The following CEP63 variants were observed in gnomAD, a reference collection of about 807,000 sequenced individuals.
The protein encoded by CEP63 is centrosomal protein 63, also known as centrosomal protein of 63 kDa.
In CEP63, 84 loss-of-function variants were observed where a neutral mutation model predicts 89.1. That is an observed-to-expected ratio of 0.94 (90% CI 0.79 to 1.13). CEP63 has a LOEUF of 1.13. Among genes scored for constraint, CEP63 ranks in the 50% most tolerant of loss-of-function variants. CEP63 has a pLI of 0.00. For synonymous variants in CEP63, 267 were observed against 272.5 expected, an observed-to-expected ratio of 0.98 and a Z score of 0.20; for missense variants, 838 against 813.3, an observed-to-expected ratio of 1.03 and a Z score of -0.37.
At chr3:134,616,412 C>A in the CEP63 span, among the ~76,000 whole-genome samples, 1 of 152,012 alleles carries the variant, frequency 6.6e-6, no homozygotes, top group South Asian at 2.1e-4. Context: ...TCAGCAAGTG[C>A]GGATTATATG....
chr3:134,726,535 G>C, the CEP63 span, among the ~76,000 whole-genome samples: 1 of 151,618 alleles, frequency 6.6e-6, no homozygotes, highest in Non-Finnish European at 1.5e-5. Context: ...ATATAGGAAG[G>C]CTGGGCTACC....
Position 134,561,391 on chromosome 3 carries a change from A to G in CEP63, c.1968A>G (p.Val656=), listed in dbSNP as rs1957322458. ...EEFISSCSLP[V]SPLGSIATRF... The stretch of plus-strand genomic sequence containing the variant: ...GTCTCTTCCAGTGTTCCTTGCCTGT[A>G]TCTCCCCTTGGTTCAATAGCTACCA... Residue 656 remains valine (V), a synonymous_variant, in exon 15 of 15, where the codon GTA becomes GTG. Transcript: ENST00000675561. 6.2e-7 allele frequency: 1 copy of G among 1,613,948 alleles called. No individual in the cohort carries two copies.
At chr3:134,672,014 C>T in the CEP63 span, among the ~76,000 whole-genome samples, 1 of 152,114 alleles carries the variant, frequency 6.6e-6, no homozygotes, top group Admixed American at 6.5e-5. Context: ...AGATGGTTGT[C>T]AAGTAATACC....
the CEP63 span, among the ~76,000 whole-genome samples, chr3:134,738,116 A>G: frequency 6.6e-6 from 1 of 152,204 alleles, no homozygotes; most frequent in Non-Finnish European, 1.5e-5. Context: ...TCACACCATC[A>G]GGATGGCAAA....
Position 134,507,197 on chromosome 3 carries a change from G to A in CEP63, c.133G>A (p.Gly45Arg), listed in dbSNP as rs770866467. 3 of 1,613,554 alleles carry A rather than the reference G, an allele frequency of 1.9e-6. No individual in the cohort carries two copies. Among genetic ancestry groups the A allele is most frequent in the Non-Finnish European group, 2.5e-6 (3 of 1,179,686 alleles). Residue 45 changes from glycine (G) to arginine (R), a missense_variant, in exon 3 of 15, where the codon GGA (glycine) becomes AGA (arginine). Gly to Arg is a moderately radical substitution (Grantham distance 125). Transcript: ENST00000675561. ...GGCTCATAAAAAATCTGAATGGGAA[G>A]GACGTACACATGCTCTAGAAACTTG... ...MVAHKKSEWE[G>R]RTHALETCLK...
the CEP63 span, among the ~76,000 whole-genome samples, chr3:134,722,340 T>C: frequency 2.3e-5 from 1 of 43,974 alleles, no homozygotes; most frequent in African/African-American, 6.1e-5. Context: ...TCCTATACTG[T>C]ATATATACAG....
At position 134,551,968 on chromosome 3, in the gene CEP63, C is replaced by T; in HGVS notation, c.1423C>T (p.His475Tyr). 1 of 1,608,884 alleles carries T rather than the reference C, an allele frequency of 6.2e-7. No individual in the cohort carries two copies. ...GGAGTCACTCAAATTAGAAAATCGT[C>T]ATCTTTCTGAAATGGTGATGAAATT... The part of the protein sequence containing the change: ...QLESLKLENR[H>Y]LSEMVMKLEL... The change falls in exon 12 of 15, where the codon CAT becomes TAT. Residue 475 changes from histidine (H) to tyrosine (Y), a missense_variant. Transcript: ENST00000675561.
At chr3:134,558,105 G>A (rs778879796) in intron 12 of CEP63, 37 bp from the exon 13 acceptor site, 5 of 1,532,570 alleles carry the variant, frequency 3.3e-6, no homozygotes, top group Admixed American at 1.7e-5. Flanking sequence ...AGGTATTCTT[G>A]TACAGATTAA....
intron 3 of CEP63, among the ~76,000 whole-genome samples, chr3:134,516,585 G>A (rs1026403745): frequency 1.3e-5 from 2 of 152,194 alleles, no homozygotes; most frequent in East Asian, 3.9e-4. Flanking sequence ...GCTTTCCTAG[G>A]CAGAGGTCCC....
Position 134,562,110 on chromosome 3 carries a change from A to G in CEP63, c.*575A>G, listed in dbSNP as rs1431022722. 1 of 990,272 alleles carries G rather than the reference A, an allele frequency of 1.0e-6. No individual in the cohort carries two copies. The highest frequency in any genetic ancestry group is 1.2e-6 in the Non-Finnish European group (1 of 833,080). 61.3% of individuals were successfully genotyped at this position (990,272 alleles called of 1,614,324 possible). On this transcript the variant is annotated 3_prime_UTR_variant, in exon 15 of 15. Coordinates refer to ENST00000675561, the MANE Select transcript of CEP63 (RefSeq NM_001353108.3). ...CTTATCAAGCAGTCCTCTCTTGCTC[A>G]ACACTCATGCAGAGGAGAGAGGCAG...
intron 3 of CEP63, among the ~76,000 whole-genome samples, chr3:134,517,007 T>C (rs947576344): frequency 6.6e-6 from 1 of 152,146 alleles, no homozygotes; most frequent in Admixed American, 6.5e-5. Flanking sequence ...CTAGGTGAAT[T>C]CTCCAACTTC....
chr3:134,656,338 G>T, the CEP63 span, among the ~76,000 whole-genome samples: 2 of 152,214 alleles, frequency 1.3e-5, no homozygotes, highest in African/African-American at 2.4e-5. Flanking sequence ...GTCTCAGGAA[G>T]TGAAAGCAGG....
chr3:134,645,695 C>T, the CEP63 span, among the ~76,000 whole-genome samples: 1 of 152,170 alleles, frequency 6.6e-6, no homozygotes, highest in African/African-American at 2.4e-5. Flanking sequence ...CTCTGTGGAG[C>T]CTCTGTCCAG....
intron 2 of CEP63, 37 bp from the exon 3 acceptor site, chr3:134,507,072 A>C (rs371227658): frequency 1.3e-6 from 2 of 1,559,834 alleles, no homozygotes; most frequent in African/African-American, 2.7e-5. Flanking sequence ...ACTTGAACAT[A>C]TCTTCTGTTT....
the CEP63 span, among the ~76,000 whole-genome samples, chr3:134,616,505 T>A: frequency 6.6e-6 from 1 of 152,210 alleles, no homozygotes; most frequent in Non-Finnish European, 1.5e-5. Context: ...AGTAGAGGGA[T>A]GCATAGATAG....
At chr3:134,748,850 C>A in the CEP63 span, among the ~76,000 whole-genome samples, 3 of 152,098 alleles carry the variant, frequency 2.0e-5, no homozygotes, top group African/African-American at 7.2e-5. Context: ...CGGATGCAGG[C>A]TAGTCAGGGA....
intron 14 of CEP63, among the ~76,000 whole-genome samples, chr3:134,560,878 T>C (rs997580851): frequency 6.6e-6 from 1 of 152,216 alleles, no homozygotes; most frequent in Non-Finnish European, 1.5e-5. Context: ...ATGGCATATG[T>C]TCTATGTTAC....
the CEP63 span, among the ~76,000 whole-genome samples, chr3:134,617,499 A>G: frequency 6.6e-6 from 1 of 152,344 alleles, no homozygotes; most frequent in South Asian, 2.1e-4. Flanking sequence ...TATGACAACA[A>G]CCGAGCACAG....
chr3:134,568,362 A>G (rs1957872332), downstream of CEP63, among the ~76,000 whole-genome samples: 1 of 152,244 alleles, frequency 6.6e-6, no homozygotes. Context: ...CAAGACCGGA[A>G]GTGTTATCTC....
Sources: allele counts gnomAD v4.1 joint callset (sites outside exome capture counted in the v4.1 genomes callset), GRCh38; gene constraint gnomAD v4.1.1; transcripts MANE v1.5; gene names NCBI Gene and HGNC (gene_info 2026-07-23, HGNC 2026-07-21).